The following CSMD3 variants were observed in gnomAD, a reference collection of about 807,000 sequenced individuals.
The protein encoded by CSMD3 is CUB and sushi domain-containing protein 3.
A neutral mutation model predicts 435.2 loss-of-function variants in CSMD3; 177 were observed. The observed-to-expected ratio is 0.41, with a 90% confidence interval of 0.36 to 0.46. CSMD3 has a LOEUF of 0.46. Among genes scored for constraint, CSMD3 ranks in the 20% least tolerant of loss-of-function variants. The pLI, the probability that CSMD3 is intolerant of heterozygous loss-of-function variation, is 0.34. For synonymous variants in CSMD3, 1,656 were observed against 1,520.5 expected, an observed-to-expected ratio of 1.09 and a Z score of -2.07; for missense variants, 4,265 against 4,504.6, an observed-to-expected ratio of 0.95 and a Z score of 1.52.
intron 5 of CSMD3, among the ~76,000 whole-genome samples, chr8:113,037,053 T>C (rs1009756393): frequency 6.6e-6 from 1 of 152,122 alleles, no homozygotes; most frequent in African/African-American, 2.4e-5. Context: ...ACCCATGCAC[T>C]ATGCAATGAA....
At chr8:113,221,510 A>T (rs1023575000) in intron 3 of CSMD3, among the ~76,000 whole-genome samples, 9 of 151,336 alleles carry the variant, frequency 5.9e-5, no homozygotes, top group Non-Finnish European at 1.2e-4. Context: ...GTAAGTTTGA[A>T]TTTATTTTTA....
intron 22 of CSMD3, among the ~76,000 whole-genome samples, chr8:112,601,169 A>G (rs888464368): frequency 6.6e-6 from 1 of 152,100 alleles, no homozygotes; most frequent in Admixed American, 6.6e-5. Flanking sequence ...TTTTTAATCT[A>G]ATAGATTAAT....
intron 20 of CSMD3, 99 bp downstream of exon 20, chr8:112,645,010 T>C: frequency 1.3e-6 from 1 of 782,004 alleles, no homozygotes; most frequent in African/African-American, 1.7e-5. Flanking sequence ...CTGATCTGTT[T>C]TTGCTCATGC....
chr8:112,311,187 A>C, intron 49 of CSMD3, 21 bp from the exon 50 acceptor site: 1 of 1,588,816 alleles, frequency 6.3e-7, no homozygotes, highest in African/African-American at 1.3e-5. Context: ...GAAAAAAAAA[A>C]TGCTGTTTAA....
At chr8:112,858,576 T>C (rs951967618) in intron 11 of CSMD3, among the ~76,000 whole-genome samples, 3 of 151,834 alleles carry the variant, frequency 2.0e-5, no homozygotes, top group Non-Finnish European at 4.4e-5. Flanking sequence ...TTTACATTCA[T>C]TGTGTTATAA....
intron 1 of CSMD3, among the ~76,000 whole-genome samples, chr8:113,365,082 A>G (rs926779615): frequency 2.6e-5 from 4 of 152,100 alleles, no homozygotes; most frequent in Non-Finnish European, 4.4e-5. Flanking sequence ...ATGTTGAACT[A>G]TAACAATGCC....
chr8:113,309,657 T>C (rs1282104499), intron 2 of CSMD3: 1 of 152,224 alleles, frequency 6.6e-6, no homozygotes, highest in Non-Finnish European at 1.5e-5. Flanking sequence ...ACCATGACTA[T>C]GACCTTGTGA....
chr8:113,217,535 G>T (rs981117129), intron 3 of CSMD3, among the ~76,000 whole-genome samples: 15 of 151,520 alleles, frequency 9.9e-5, no homozygotes, highest in Non-Finnish European at 1.9e-4. Context: ...AAAAACATTA[G>T]AAATCTTAGA....
chr8:113,056,316 C>G (rs1373995788), intron 5 of CSMD3, among the ~76,000 whole-genome samples: 2 of 152,184 alleles, frequency 1.3e-5, no homozygotes, highest in Admixed American at 1.3e-4. Context: ...AGAAAGAAAA[C>G]TTTCAATGAC....
chr8:112,647,893 G>A (rs1323042366), intron 19 of CSMD3, among the ~76,000 whole-genome samples: 3 of 152,164 alleles, frequency 2.0e-5, no homozygotes, highest in Non-Finnish European at 2.9e-5. Context: ...TTACTTGGAA[G>A]AGAAAATGAC....
chr8:112,323,586 A>C (rs1363972233), intron 45 of CSMD3, among the ~76,000 whole-genome samples: 1 of 152,100 alleles, frequency 6.6e-6, no homozygotes, highest in Non-Finnish European at 1.5e-5. Flanking sequence ...TGTGATGATG[A>C]AGGTTCAAAC....
chr8:112,457,721 T>C (rs1483758107), intron 32 of CSMD3, among the ~76,000 whole-genome samples: 1 of 152,000 alleles, frequency 6.6e-6, no homozygotes, highest in Admixed American at 6.6e-5. Flanking sequence ...TCCTTTCTAA[T>C]CTCAAAGTGT....
At chr8:113,035,782 G>T (rs1490606449) in intron 5 of CSMD3, among the ~76,000 whole-genome samples, 1 of 151,902 alleles carries the variant, frequency 6.6e-6, no homozygotes, top group Non-Finnish European at 1.5e-5. Context: ...AGGATCAGAG[G>T]TATTTGAAGT....
chr8:113,044,042 T>C (rs766704708), intron 5 of CSMD3, among the ~76,000 whole-genome samples: 1 of 152,078 alleles, frequency 6.6e-6, no homozygotes, highest in Non-Finnish European at 1.5e-5. Flanking sequence ...AATGGTTTTA[T>C]AAATCAATAA....
At chr8:112,596,990 A>G (rs1418004147) in intron 22 of CSMD3, among the ~76,000 whole-genome samples, 1 of 152,198 alleles carries the variant, frequency 6.6e-6, no homozygotes, top group African/African-American at 2.4e-5. Flanking sequence ...TTCAAAAGCT[A>G]GCAGAAAGCA....
At position 112,285,357 on chromosome 8, in the gene CSMD3, C is replaced by T. The variant is rs1479735542; in HGVS notation, c.9331+1707G>A. Among the ~76,000 whole-genome samples the T allele has an allele frequency of 2.6e-5, 4 of 152,184 alleles. No homozygotes were observed. In the South Asian group the frequency reaches 8.3e-4, roughly 32 times the overall value. ...GTTTAGTCTCTCTTACTGTATTTTA[C>T]TCAGCACTATGTTTTCCAAGTCTTT... On this transcript the variant is annotated intron_variant, in intron 58 of 70. Coordinates refer to ENST00000297405, the MANE Select transcript of CSMD3 (RefSeq NM_198123.2).
intron 13 of CSMD3, among the ~76,000 whole-genome samples, chr8:112,778,275 G>A (rs9297478): frequency 0.84 from 128,160 of 151,792 alleles, 54,372 homozygotes; most frequent in East Asian, 0.92. Context: ...TGTATATTCT[G>A]TGGGTTTTGA....
chr8:112,650,334 G>A lies in CSMD3; in HGVS notation c.3020C>T (p.Thr1007Met), dbSNP rs374975849. 1.1e-5 allele frequency: 18 copies of A among 1,613,240 alleles called. No individual in the cohort carries two copies. Among genetic ancestry groups the A allele is most frequent in the Non-Finnish European group, 1.4e-5 (17 of 1,179,320 alleles). ...TATGCCAGGGTCCAAACAAGAATAC[G>A]TGTTCACTGTAACACCTGGAAAACA... ...KIHYESVTVNTYSCLDPGIPV... is the reference protein window; with the variant it reads ...KIHYESVTVNMYSCLDPGIPV... The change falls in exon 19 of 71, where the codon ACG (threonine) becomes ATG (methionine). Residue 1007 changes from threonine (T) to methionine (M), a missense_variant. By Grantham distance (81) the Thr-to-Met change is moderately conservative. Transcript: ENST00000297405.
At chr8:112,499,609 A>G (rs1252470356) in intron 30 of CSMD3, among the ~76,000 whole-genome samples, 1 of 152,104 alleles carries the variant, frequency 6.6e-6, no homozygotes, top group African/African-American at 2.4e-5. Flanking sequence ...CAAGTAAATT[A>G]GAAATTTATA....
Sources: allele counts gnomAD v4.1 joint callset (sites outside exome capture counted in the v4.1 genomes callset), GRCh38; gene constraint gnomAD v4.1.1; transcripts MANE v1.5; gene names NCBI Gene and HGNC (gene_info 2026-07-23, HGNC 2026-07-21).